Variants in INPP4B observed in about 807,000 individuals in gnomAD.
INPP4B encodes inositol polyphosphate 4-phosphatase type II.
INPP4B carries 55 observed loss-of-function variants against 122.5 expected under a neutral mutation model. The ratio of observed to expected loss-of-function variants is 0.45; its 90% CI spans 0.36 to 0.56. INPP4B has a LOEUF of 0.56. Ranked by LOEUF, INPP4B falls within the 20% of genes least tolerant of loss-of-function variation. The probability of loss-of-function intolerance (pLI) is 0.00; values close to 1 mark genes in which losing one functional copy is unlikely to be tolerated. For missense variants in INPP4B, 1,000 were observed against 1,097.7 expected (o/e 0.91, Z 1.26); for synonymous variants, 403 against 388.7 (o/e 1.04, Z -0.43).
intron 7 of INPP4B, among the ~76,000 whole-genome samples, chr4:142,363,755 G>C (rs112516973): frequency 0.021 from 3,161 of 152,054 alleles, 118 homozygotes; most frequent in African/African-American, 0.071. Flanking sequence ...TGTTGCCCTA[G>C]ATTTATACAT....
chr4:142,731,251 A>G (rs1322137014), intron 1 of INPP4B, among the ~76,000 whole-genome samples: 1 of 152,194 alleles, frequency 6.6e-6, no homozygotes, highest in Non-Finnish European at 1.5e-5. Flanking sequence ...ACAAAATAAC[A>G]TGAGAAATAT....
intron 25 of INPP4B, among the ~76,000 whole-genome samples, 198 bp downstream of exon 25, chr4:142,081,833 G>A (rs112737834): frequency 6.6e-6 from 1 of 151,606 alleles, no homozygotes; most frequent in African/African-American, 2.4e-5. Context: ...AAATGAGTAG[G>A]GGAAATATAG....
chr4:142,451,693 G>T (rs77070821), intron 3 of INPP4B, among the ~76,000 whole-genome samples: 1 of 152,032 alleles, frequency 6.6e-6, no homozygotes, highest in Non-Finnish European at 1.5e-5. Flanking sequence ...GTCAAGAAAC[G>T]ATTCCAAATC....
chr4:142,584,489 C>T (rs1009933347), intron 2 of INPP4B, among the ~76,000 whole-genome samples: 12 of 152,096 alleles, frequency 7.9e-5, no homozygotes, highest in Admixed American at 3.3e-4. Flanking sequence ...CAGTTTTCTA[C>T]GACAAGTTTT....
intron 7 of INPP4B, among the ~76,000 whole-genome samples, chr4:142,370,702 A>G (rs1160606860): frequency 6.6e-6 from 1 of 152,112 alleles, no homozygotes; most frequent in Non-Finnish European, 1.5e-5. Context: ...GCTACAACAA[A>G]AAAACACCTA....
chr4:142,456,073 T>C (rs1815354977), intron 3 of INPP4B, among the ~76,000 whole-genome samples: 1 of 152,040 alleles, frequency 6.6e-6, no homozygotes. Flanking sequence ...TGATGGGCAG[T>C]ATGCAAATAT....
chr4:142,321,441 C>A (rs964168835), intron 7 of INPP4B, among the ~76,000 whole-genome samples: 3 of 151,956 alleles, frequency 2.0e-5, no homozygotes, highest in African/African-American at 7.3e-5. Context: ...AATTAAATCC[C>A]ATCTATTTCT....
intron 2 of INPP4B, among the ~76,000 whole-genome samples, chr4:142,552,732 T>C (rs1728274974): frequency 6.6e-6 from 1 of 152,194 alleles, no homozygotes; most frequent in African/African-American, 2.4e-5. Context: ...TTTTATTACA[T>C]TATGTCTTAA....
intron 2 of INPP4B, among the ~76,000 whole-genome samples, chr4:142,568,206 G>A: frequency 6.6e-6 from 1 of 151,302 alleles, no homozygotes; most frequent in Non-Finnish European, 1.5e-5. Context: ...CAGGGAGAAA[G>A]AGCAGTCTGA....
intron 11 of INPP4B, among the ~76,000 whole-genome samples, chr4:142,247,523 G>T (rs895846366): frequency 6.6e-6 from 1 of 151,916 alleles, no homozygotes; most frequent in African/African-American, 2.4e-5. Flanking sequence ...GTCTTGGGAG[G>T]GTGTATGTGC....
chr4:142,067,114 T>A (rs963938830), intron 25 of INPP4B, among the ~76,000 whole-genome samples: 1 of 152,170 alleles, frequency 6.6e-6, no homozygotes. Flanking sequence ...GGTGCCCCTC[T>A]GAGACGAAGC....
intron 25 of INPP4B, among the ~76,000 whole-genome samples, chr4:142,036,033 A>AT (rs1478991564): frequency 1.3e-5 from 2 of 152,036 alleles, no homozygotes; most frequent in Non-Finnish European, 2.9e-5. Flanking sequence ...CAAAAGGTAG[A>AT]TTTTCAACCA....
chr4:142,045,548 C>CT (rs1231790779), intron 25 of INPP4B, among the ~76,000 whole-genome samples: 2 of 151,896 alleles, frequency 1.3e-5, no homozygotes, highest in African/African-American at 4.8e-5. Context: ...GAGCATTTTT[C>CT]TTTTTTAAAA....
chr4:142,258,225 C>T (rs1384730674), intron 11 of INPP4B, among the ~76,000 whole-genome samples: 4 of 152,136 alleles, frequency 2.6e-5, no homozygotes, highest in Non-Finnish European at 5.9e-5. Flanking sequence ...AAGACTTAAA[C>T]GTTACACCTA....
intron 2 of INPP4B, among the ~76,000 whole-genome samples, chr4:142,514,022 G>A (rs1160719143): frequency 1.3e-5 from 2 of 152,180 alleles, no homozygotes; most frequent in Non-Finnish European, 2.9e-5. Flanking sequence ...CTAGAGAGGA[G>A]AAAGGGGGAA....
At chr4:142,631,893 T>C (rs1428948700) in intron 2 of INPP4B, among the ~76,000 whole-genome samples, 1 of 152,010 alleles carries the variant, frequency 6.6e-6, no homozygotes, top group Non-Finnish European at 1.5e-5. Context: ...TTGGGTGACA[T>C]ATTGAGGGAA....
At chr4:142,374,801 G>T (rs556485628) in intron 7 of INPP4B, among the ~76,000 whole-genome samples, 3 of 151,856 alleles carry the variant, frequency 2.0e-5, no homozygotes, top group Non-Finnish European at 1.5e-5. Context: ...AATGAGGTAG[G>T]TCTAAGAGAG....
chr4:142,675,366 C>T (rs763377302), intron 2 of INPP4B, among the ~76,000 whole-genome samples: 1 of 151,926 alleles, frequency 6.6e-6, no homozygotes, highest in South Asian at 2.1e-4. Flanking sequence ...AATATCCTAC[C>T]AATCAAAAAA....
chr4:142,038,842 C>T (rs774804373), intron 25 of INPP4B, among the ~76,000 whole-genome samples: 9 of 152,126 alleles, frequency 5.9e-5, no homozygotes, highest in Non-Finnish European at 8.8e-5. Flanking sequence ...TCATGCAATA[C>T]GACGTCTTTT....
Sources: gnomAD v4.1 joint callset for allele counts (sites outside exome capture counted in the v4.1 genomes callset) on GRCh38, gnomAD v4.1.1 for gene constraint, MANE v1.5 for transcripts, NCBI Gene and HGNC (gene_info 2026-07-23, HGNC 2026-07-21) for gene names.